SLC25A25: variants seen among roughly 807,000 people sequenced by gnomAD.
SLC25A25 encodes the protein mitochondrial adenyl nucleotide antiporter SLC25A25.
A neutral mutation model predicts 57.7 loss-of-function variants in SLC25A25; 32 were observed. The observed-to-expected ratio is 0.55, with a 90% CI of 0.42 to 0.74. The LOEUF (loss-of-function observed/expected upper bound fraction) is 0.74. Ranked by LOEUF, SLC25A25 falls within the 30% of genes least tolerant of loss-of-function variation. SLC25A25 has a pLI of 0.00. For missense variants in SLC25A25, 556 were observed against 701.3 expected (o/e 0.79, Z 2.34); for synonymous variants, 306 against 291.2 (o/e 1.05, Z -0.52).
At position 128,109,228 on chromosome 9, in the gene SLC25A25, A is replaced by G. The variant is rs986990827; in HGVS notation, c.*1784A>G. ...TGTCATTTAAAGCAGCCTTCTAATA[A>G]AGTTGTTTCAAAGCTGATCATGGAG... On this transcript the variant is annotated 3_prime_UTR_variant, in exon 11 of 11. Coordinates refer to ENST00000373069, the MANE Select transcript of SLC25A25 (RefSeq NM_001330988.2). 1.3e-5 allele frequency: 2 copies of G among 152,562 alleles called. No individual in the cohort carries two copies. Among genetic ancestry groups the G allele is most frequent in the African/African-American group, 4.8e-5 (2 of 41,416 alleles). The allele number at this position is 152,562 out of a possible 1,614,324, so 9.5% of individuals were successfully genotyped here.
intron 1 of SLC25A25, chr9:128,098,926 T>C (rs374379807): frequency 1.0e-6 from 1 of 985,312 alleles, no homozygotes; most frequent in African/African-American, 1.7e-5. Flanking sequence ...CCAGGAAGGC[T>C]GGAATTCCAG....
intron 1 of SLC25A25, among the ~76,000 whole-genome samples, chr9:128,090,803 C>A (rs1045686591): frequency 5.9e-5 from 9 of 152,306 alleles, no homozygotes; most frequent in African/African-American, 1.9e-4. Context: ...CAGAGCGAGA[C>A]TCCATCTCAA....
At chr9:128,100,665 C>T (rs1188791436) in intron 1 of SLC25A25, among the ~76,000 whole-genome samples, 1 of 152,176 alleles carries the variant, frequency 6.6e-6, no homozygotes, top group East Asian at 1.9e-4. Flanking sequence ...CATGGCCATC[C>T]CCAAGTCTCA....
chr9:128,075,343 C>G (rs556173352), intron 1 of SLC25A25, among the ~76,000 whole-genome samples: 1 of 152,054 alleles, frequency 6.6e-6, no homozygotes, highest in South Asian at 2.1e-4. Context: ...GAGCACGAGC[C>G]TGTCTGATCT....
rs1005372503 is a variant in SLC25A25, at chr9:128,073,220, G to GT, written c.261+4647dup. Among the ~76,000 whole-genome samples the GT allele has an allele frequency of 2.8e-4, 42 of 152,258 alleles. 1 individual carries two copies. The highest frequency in any genetic ancestry group is 1.0e-3 in the African/African-American group (42 of 41,540). On this transcript the variant is annotated intron_variant, in intron 1 of 10. Coordinates refer to ENST00000373069, the MANE Select transcript of SLC25A25 (RefSeq NM_001330988.2). ...TCCTGCTCCTCTCCTCCTTAACACAGTTTTTTTCAGGAACATGAAGAGAAT... is the reference window on the plus strand; with the variant it reads ...TCCTGCTCCTCTCCTCCTTAACACAGTTTTTTTTCAGGAACATGAAGAGAAT...
At position 128,107,344 on chromosome 9, in the gene SLC25A25, G is replaced by T; in HGVS notation, c.1448G>T (p.Arg483Met). 1 of 1,527,752 alleles carries T rather than the reference G, an allele frequency of 6.5e-7. No homozygotes were observed. The allele number at this position is 1,527,752 out of a possible 1,614,324, so 94.6% of individuals were successfully genotyped here. Residue 483 changes from arginine (R) to methionine (M), a missense_variant, in exon 11 of 11, where the codon AGG (arginine) becomes ATG (methionine). Around this residue, in one of 3 missense-constraint regions of SLC25A25, gnomAD observed 294 missense variants for 389.6 expected, o/e 0.75. Transcript: ENST00000373069. ...ACCGAGGGGGCCTTCGGGCTGTACA[G>T]GGGGCTGGCCCCCAACTTCATGAAG... ...LRTEGAFGLY[R>M]GLAPNFMKVI... is the part of the protein sequence containing the mutation.
intron 1 of SLC25A25, among the ~76,000 whole-genome samples, chr9:128,069,508 G>A (rs1208146582): frequency 2.6e-5 from 4 of 151,946 alleles, no homozygotes; most frequent in African/African-American, 9.7e-5. Flanking sequence ...GAGTTAGTTT[G>A]GTCCATTTGT....
chr9:128,077,845 T>G (rs1026805558), intron 1 of SLC25A25, among the ~76,000 whole-genome samples: 1 of 151,760 alleles, frequency 6.6e-6, no homozygotes, highest in African/African-American at 2.4e-5. Context: ...GGCCAACATG[T>G]AGAAACCCCA....
At position 128,107,111 on chromosome 9, in the gene SLC25A25, T is replaced by C. The variant is rs959439782; in HGVS notation, c.1295T>C (p.Met432Thr). ...TTTGTGCTCCTGGCCTGTGGCACCA[T>C]GTCCAGTACCTGTGGCCAGCTGGCC... ...GVFVLLACGT[M>T]SSTCGQLASY... The change falls in exon 10 of 11, where the codon ATG (methionine) becomes ACG (threonine). Residue 432 changes from methionine (M) to threonine (T), a missense_variant. This residue lies in a region of SLC25A25 where 294 missense variants were observed against 389.6 expected (regional missense o/e 0.75). Coordinates refer to ENST00000373069, the MANE Select transcript of SLC25A25 (RefSeq NM_001330988.2). The C allele has an allele frequency of 6.2e-7, 1 of 1,614,074 alleles. No homozygotes were observed. Among genetic ancestry groups the C allele is most frequent in the East Asian group, 2.2e-5 (1 of 44,884 alleles).
chr9:128,092,136 G>C, intron 1 of SLC25A25: 6 of 1,575,222 alleles, frequency 3.8e-6, no homozygotes, highest in Non-Finnish European at 5.2e-6. Flanking sequence ...CCTGGTCTGG[G>C]ATCATTTTCC....
intron 6 of SLC25A25, 100 bp from the exon 7 acceptor site, chr9:128,105,629 T>C: frequency 1.1e-5 from 17 of 1,571,680 alleles, no homozygotes; most frequent in Non-Finnish European, 1.5e-5. Flanking sequence ...AGAAAGGGCC[T>C]TCCCTTTGGC....
chr9:128,077,502 G>A (rs1196967585), intron 1 of SLC25A25, among the ~76,000 whole-genome samples: 1 of 96,588 alleles, frequency 1.0e-5, no homozygotes, highest in African/African-American at 6.3e-5. Context: ...GGGCGACAGA[G>A]CAAGACTCCG....
In SLC25A25 at chr9:128,079,603, CAAAAAAAAAA is replaced by C. The variant is rs531439672; in HGVS notation, c.261+11038_261+11047del. Among the ~76,000 whole-genome samples, 202 of 48,048 alleles carry C rather than the reference CAAAAAAAAAA, an allele frequency of 4.2e-3. 2 individuals carry two copies. Among genetic ancestry groups the C allele is most frequent in the Middle Eastern group, 0.014 (1 of 72 alleles). The allele number at this position is 48,048 out of a possible 152,430, so 31.5% of individuals were successfully genotyped here. ...CAAAACCTTGTCTCTACTAAAAATACAAAAAAAAAAAAAAAAAAAAAAAATTAGCCGGGCC... is the reference window on the plus strand; with the variant it reads ...CAAAACCTTGTCTCTACTAAAAATACAAAAAAAAAAAAAATTAGCCGGGCC... On this transcript the variant is annotated intron_variant, in intron 1 of 10. Transcript: ENST00000373069.
intron 1 of SLC25A25, chr9:128,100,770 G>T: frequency 3.1e-6 from 1 of 319,932 alleles, no homozygotes; most frequent in Non-Finnish European, 5.9e-6. Flanking sequence ...CGGCACGCAG[G>T]TCTTCAGACT....
intron 1 of SLC25A25, among the ~76,000 whole-genome samples, chr9:128,076,461 TATTTTTA>T (rs760519368): frequency 7.3e-6 from 1 of 137,064 alleles, no homozygotes; most frequent in African/African-American, 3.4e-5. Flanking sequence ...TTTTTATTTT[TATTTTTA>T]TTTTTATTTT....
At chr9:128,082,798 A>T (rs1036153783) in intron 1 of SLC25A25, among the ~76,000 whole-genome samples, 1 of 152,006 alleles carries the variant, frequency 6.6e-6, no homozygotes, top group Non-Finnish European at 1.5e-5. Context: ...ACGCCTGGCT[A>T]ATTTTTGTAT....
At chr9:128,073,979 C>G (rs10123290) in intron 1 of SLC25A25, among the ~76,000 whole-genome samples, 2,427 of 152,180 alleles carry the variant, frequency 0.016, 62 homozygotes, top group African/African-American at 0.056. Flanking sequence ...AGTGATCCAC[C>G]TGCCTCAGCC....
intron 1 of SLC25A25, among the ~76,000 whole-genome samples, chr9:128,097,436 CT>C (rs1456530400): frequency 5.3e-5 from 8 of 150,068 alleles, no homozygotes; most frequent in Admixed American, 1.3e-4. Context: ...AATGAATTTA[CT>C]TTTTTGCATG....
chr9:128,092,003 T>C, intron 1 of SLC25A25: 1 of 1,613,946 alleles, frequency 6.2e-7, no homozygotes, highest in Non-Finnish European at 8.5e-7. Context: ...GGCAAGCTTT[T>C]TGGGGAAACA....
Sources: gnomAD v4.1 joint callset for allele counts (sites outside exome capture counted in the v4.1 genomes callset) on GRCh38, gnomAD v4.1.1 for gene constraint, gnomAD v4.1.1 regional missense constraint, MANE v1.5 for transcripts, NCBI Gene and HGNC (gene_info 2026-07-23, HGNC 2026-07-21) for gene names.